The following SEMA3A variants were observed in gnomAD, a reference collection of about 807,000 sequenced individuals.
SEMA3A encodes semaphorin-3A.
A neutral mutation model predicts 97.9 loss-of-function variants in SEMA3A; 29 were observed. The observed-to-expected ratio is 0.30, with a 90% confidence interval of 0.22 to 0.40. SEMA3A has a LOEUF of 0.40. SEMA3A is among the 10% of genes least tolerant of loss of function. SEMA3A has a pLI of 1.00. For synonymous variants in SEMA3A, 321 were observed against 323.7 expected, an observed-to-expected ratio of 0.99 and a Z score of 0.09; for missense variants, 763 against 951.3, an observed-to-expected ratio of 0.80 and a Z score of 2.60.
rs565473175 is a variant in SEMA3A, at chr7:84,342,126, C to T, written c.-169+29698G>A. 4.6e-5 allele frequency among the ~76,000 whole-genome samples: 7 copies of T among 152,188 alleles called. No homozygotes were observed. The South Asian group carries it at 8.3e-4, about 18-fold the overall frequency. ...TCTTGGCTCACCGCAAGCTTCGCCT[C>T]CTGGATTCAAGTGATTCTCCTGCCT... is the stretch of plus-strand genomic sequence containing the variant. On this transcript the variant is annotated intron_variant, in intron 2 of 3. Coordinates refer to the SEMA3A transcript ENST00000424555.
At chr7:84,335,553 A>T (rs2115966468) in intron 2 of SEMA3A, among the ~76,000 whole-genome samples, 1 of 152,296 alleles carries the variant, frequency 6.6e-6, no homozygotes, top group African/African-American at 2.4e-5. Context: ...AAAAGCGAAG[A>T]TTATGCAATT....
At chr7:84,449,123 C>T (rs1805497980) in intron 1 of SEMA3A, among the ~76,000 whole-genome samples, 1 of 152,082 alleles carries the variant, frequency 6.6e-6, no homozygotes, top group Non-Finnish European at 1.5e-5. Context: ...TACCTAACAC[C>T]ATATACAAAA....
At chr7:84,243,014 G>A (rs1584160454) in intron 3 of SEMA3A, among the ~76,000 whole-genome samples, 1 of 152,254 alleles carries the variant, frequency 6.6e-6, no homozygotes, top group Middle Eastern at 3.4e-3. Flanking sequence ...GACTTGATGT[G>A]GTGAATAAGC....
At chr7:84,156,984 T>C (rs1796864349) in intron 1 of SEMA3A, among the ~76,000 whole-genome samples, 1 of 152,178 alleles carries the variant, frequency 6.6e-6, no homozygotes, top group Non-Finnish European at 1.5e-5. Context: ...AAAATACATG[T>C]ATAGAATTTG....
chr7:84,213,019 A>G (rs1198283233), intron 3 of SEMA3A, among the ~76,000 whole-genome samples: 1 of 152,082 alleles, frequency 6.6e-6, no homozygotes, highest in Non-Finnish European at 1.5e-5. Context: ...GCTGGAGTGC[A>G]ATGGCTCTAT....
At chr7:84,169,289 A>G (rs1477938163) in intron 1 of SEMA3A, among the ~76,000 whole-genome samples, 1 of 151,398 alleles carries the variant, frequency 6.6e-6, no homozygotes, top group African/African-American at 2.4e-5. Flanking sequence ...TATCTCTCCC[A>G]CAAGTATTCA....
intron 2 of SEMA3A, among the ~76,000 whole-genome samples, chr7:84,317,506 A>G (rs1801538176): frequency 6.6e-6 from 1 of 152,104 alleles, no homozygotes; most frequent in African/African-American, 2.4e-5. Context: ...TTCTTTTTAT[A>G]TTTTAACTTA....
intron 14 of SEMA3A, among the ~76,000 whole-genome samples, chr7:83,979,039 T>G (rs2116311461): frequency 6.6e-6 from 1 of 152,286 alleles, no homozygotes; most frequent in South Asian, 2.1e-4. Flanking sequence ...AAGAAGAGCT[T>G]AAAATTCAAA....
At chr7:84,390,990 C>T (rs1437010023) in intron 1 of SEMA3A, among the ~76,000 whole-genome samples, 1 of 152,006 alleles carries the variant, frequency 6.6e-6, no homozygotes, top group African/African-American at 2.4e-5. Context: ...TAACACAGGC[C>T]CTCTCTGCCT....
chr7:84,283,478 C>T (rs982957556), intron 3 of SEMA3A, among the ~76,000 whole-genome samples: 1 of 151,884 alleles, frequency 6.6e-6, no homozygotes, highest in Admixed American at 6.6e-5. Flanking sequence ...TTTTCCAGTG[C>T]TCTCATTTAC....
intron 1 of SEMA3A, among the ~76,000 whole-genome samples, chr7:84,479,825 T>C (rs1034797095): frequency 6.6e-5 from 10 of 152,102 alleles, no homozygotes; most frequent in Non-Finnish European, 5.9e-5. Flanking sequence ...AGAAGCTCAA[T>C]AGTTAGGAAT....
chr7:84,183,504 C>T (rs908611362), intron 1 of SEMA3A, among the ~76,000 whole-genome samples: 1 of 150,332 alleles, frequency 6.7e-6, no homozygotes, highest in Non-Finnish European at 1.5e-5. Flanking sequence ...CTTTCTGACA[C>T]CTGTGAAATG....
intron 3 of SEMA3A, among the ~76,000 whole-genome samples, chr7:84,243,145 G>C (rs1408281051): frequency 6.6e-6 from 1 of 152,144 alleles, no homozygotes; most frequent in Non-Finnish European, 1.5e-5. Flanking sequence ...TTTGGTATCA[G>C]GATGATGCTG....
chr7:83,972,163 TA>T (rs1433998607), intron 15 of SEMA3A, among the ~76,000 whole-genome samples: 2 of 151,990 alleles, frequency 1.3e-5, no homozygotes, highest in Non-Finnish European at 2.9e-5. Context: ...TATTCATAAA[TA>T]TTTTTTGCAG....
In SEMA3A at chr7:84,148,555, T is replaced by A. The variant is rs1033974762; in HGVS notation, c.113-13604A>T. On this transcript the variant is annotated intron_variant, in intron 1 of 16. Coordinates refer to ENST00000265362, the MANE Select transcript of SEMA3A (RefSeq NM_006080.3). The stretch of plus-strand genomic sequence containing the variant: ...CCAATAGTGTGCTTTAATTTTGGAG[T>A]GGACACATTTTGGAGTTTATGAAGT... Among the ~76,000 whole-genome samples, 4 of 152,300 alleles carry A rather than the reference T, an allele frequency of 2.6e-5. No homozygotes were observed. In the East Asian group the frequency reaches 7.7e-4, roughly 29 times the overall value.
chr7:84,369,903 A>C (rs1584270344), intron 2 of SEMA3A, among the ~76,000 whole-genome samples: 1 of 151,050 alleles, frequency 6.6e-6, no homozygotes, highest in Admixed American at 6.6e-5. Context: ...AACTGAGATG[A>C]TTCAGAAATG....
At chr7:83,977,015 G>A (rs1315538455) in intron 15 of SEMA3A, 117 bp downstream of exon 15, 9 of 473,992 alleles carry the variant, frequency 1.9e-5, no homozygotes, top group Middle Eastern at 3.5e-4. Context: ...ACTTCTCTTC[G>A]GCTGCATTTC....
intron 1 of SEMA3A, among the ~76,000 whole-genome samples, chr7:84,411,571 A>ATATC (rs1341577731): frequency 9.3e-5 from 14 of 150,852 alleles, no homozygotes; most frequent in African/African-American, 3.2e-4. Flanking sequence ...GTATAATTAT[A>ATATC]TATATATATA....
At chr7:84,175,929 A>AT (rs1325700660) in intron 1 of SEMA3A, among the ~76,000 whole-genome samples, 1 of 152,158 alleles carries the variant, frequency 6.6e-6, no homozygotes. Context: ...AGCACTTTTT[A>AT]TTTATGGTCA....
Sources: allele counts gnomAD v4.1 joint callset (sites outside exome capture counted in the v4.1 genomes callset), GRCh38; gene constraint gnomAD v4.1.1; transcripts MANE v1.5; gene names NCBI Gene and HGNC (gene_info 2026-07-23, HGNC 2026-07-21).